The following DUSP14 variants were observed in gnomAD, a reference collection of about 807,000 sequenced individuals.
DUSP14 encodes dual specificity phosphatase 14.
A neutral mutation model predicts 13.2 loss-of-function variants in DUSP14; 5 were observed. That is an observed-to-expected ratio of 0.38 (90% CI 0.20 to 0.80). The LOEUF is 0.80. DUSP14 is among the 30% of genes least tolerant of loss of function. DUSP14 has a pLI of 0.44. For synonymous variants in DUSP14, 91 were observed against 103.4 expected (o/e 0.88, Z 0.73); for missense variants, 185 against 264.0 (o/e 0.70, Z 2.07).
intron 1 of DUSP14, among the ~76,000 whole-genome samples, chr17:37,505,893 A>T (rs1469216506): frequency 2.6e-5 from 4 of 152,072 alleles, no homozygotes; most frequent in Non-Finnish European, 5.9e-5. Flanking sequence ...GAAGACACTA[A>T]TCTTGTATTT....
intron 1 of DUSP14, among the ~76,000 whole-genome samples, chr17:37,502,905 C>T (rs1300314678): frequency 6.6e-6 from 1 of 152,168 alleles, no homozygotes; most frequent in Non-Finnish European, 1.5e-5. Flanking sequence ...CAGCGTCGTT[C>T]TGTCGCCTAG....
intron 2 of DUSP14, among the ~76,000 whole-genome samples, chr17:37,511,938 C>CGTTTTTTTTTTTTTTTT (rs1568206074): frequency 7.8e-5 from 3 of 38,248 alleles, no homozygotes; most frequent in African/African-American, 1.0e-4. Flanking sequence ...CCCCACCCCA[C>CGTTTTTTTTTTTTTTTT]TTTTTTTTTT....
intron 1 of DUSP14, among the ~76,000 whole-genome samples, chr17:37,495,356 G>A (rs937420098): frequency 6.6e-6 from 1 of 152,214 alleles, no homozygotes; most frequent in African/African-American, 2.4e-5. Flanking sequence ...ATGCCATGTT[G>A]AAACCTCAGT....
At chr17:37,507,659 C>T (rs971297254) in intron 1 of DUSP14, among the ~76,000 whole-genome samples, 1 of 152,114 alleles carries the variant, frequency 6.6e-6, no homozygotes, top group Non-Finnish European at 1.5e-5. Context: ...CACCATGTTG[C>T]CCAGGCTGGT....
chr17:37,504,995 G>A (rs996346312), intron 1 of DUSP14, among the ~76,000 whole-genome samples: 1 of 152,286 alleles, frequency 6.6e-6, no homozygotes, highest in Admixed American at 6.5e-5. Flanking sequence ...GGGTTCAAGC[G>A]ATTCTAGTGC....
intron 1 of DUSP14, among the ~76,000 whole-genome samples, chr17:37,499,930 A>G (rs755402593): frequency 2.0e-5 from 3 of 152,240 alleles, no homozygotes; most frequent in African/African-American, 2.4e-5. Context: ...AGCCAAGGGA[A>G]TAACTTCAGG....
chr17:37,490,237 C>G (rs1334146458), intron 1 of DUSP14, among the ~76,000 whole-genome samples: 1 of 151,942 alleles, frequency 6.6e-6, no homozygotes, highest in Non-Finnish European at 1.5e-5. Flanking sequence ...CCGCGCCGCC[C>G]CCGCGACCCT....
intron 1 of DUSP14, 38 bp from the exon 2 acceptor site, chr17:37,510,639 C>CTGAT: frequency 6.6e-6 from 1 of 152,330 alleles, no homozygotes; most frequent in East Asian, 1.9e-4. Context: ...TTGGAACTTC[C>CTGAT]TGATTGGCTG....
intron 2 of DUSP14, among the ~76,000 whole-genome samples, chr17:37,511,022 G>A (rs2054180445): frequency 1.3e-5 from 2 of 151,416 alleles, no homozygotes; most frequent in Non-Finnish European, 2.9e-5. Flanking sequence ...ATATGTAAAT[G>A]TATATATTGA....
At chr17:37,495,109 C>T (rs540618289) in intron 1 of DUSP14, among the ~76,000 whole-genome samples, 4 of 152,276 alleles carry the variant, frequency 2.6e-5, no homozygotes, top group Admixed American at 6.5e-5. Context: ...GGAGCCCTGT[C>T]GTGTTCTTTG....
intron 1 of DUSP14, among the ~76,000 whole-genome samples, chr17:37,499,041 C>T (rs1224383903): frequency 2.6e-5 from 4 of 152,216 alleles, no homozygotes; most frequent in African/African-American, 9.7e-5. Context: ...CTATGAAGAA[C>T]TGCCTGAGAC....
chr17:37,489,655 C>A (rs2054011041), upstream of DUSP14, among the ~76,000 whole-genome samples: 1 of 152,034 alleles, frequency 6.6e-6, no homozygotes, highest in Non-Finnish European at 1.5e-5. Context: ...AGGGGACCTG[C>A]ACGGAGGAGC....
At chr17:37,509,297 AGTGT>A (rs71135737) in intron 1 of DUSP14, among the ~76,000 whole-genome samples, 1 of 26,794 alleles carries the variant, frequency 3.7e-5, no homozygotes, top group Non-Finnish European at 7.0e-5. Context: ...ATATATATAT[AGTGT>A]GTGTGTGTGT....
intron 1 of DUSP14, among the ~76,000 whole-genome samples, chr17:37,490,306 C>A (rs894935944): frequency 1.3e-5 from 2 of 152,140 alleles, no homozygotes; most frequent in Non-Finnish European, 2.9e-5. Flanking sequence ...GCCTTCCGAC[C>A]CCGCTGAGGC....
intron 1 of DUSP14, among the ~76,000 whole-genome samples, chr17:37,497,703 T>C (rs1452965218): frequency 2.0e-5 from 3 of 148,586 alleles, no homozygotes; most frequent in Non-Finnish European, 3.0e-5. Flanking sequence ...GAGGCTGCAG[T>C]AAGCCATGAT....
rs1329764853 is a variant in DUSP14, at chr17:37,511,937, A to AGTTTTTT, written c.-92-244_-92-243insGTTTTTT. On this transcript the variant is annotated intron_variant, in intron 2 of 2. Coordinates refer to ENST00000617516, the MANE Select transcript of DUSP14 (RefSeq NM_007026.4). ...TGCCCAGCCACCCCCCCCCCACCCC[A>AGTTTTTT]CTTTTTTTTTTTTTTTTTTGGACAA... 4.9e-4 allele frequency among the ~76,000 whole-genome samples: 8 copies of AGTTTTTT among 16,436 alleles called. 1 individual carries two copies. Among genetic ancestry groups the AGTTTTTT allele is most frequent in the Admixed American group, 1.6e-3 (2 of 1,216 alleles). The allele number at this position is 16,436 out of a possible 152,430, so 10.8% of individuals were successfully genotyped here.
At chr17:37,511,938 C>CTCTTTT (rs2054191467) in intron 2 of DUSP14, among the ~76,000 whole-genome samples, 2 of 38,248 alleles carry the variant, frequency 5.2e-5, no homozygotes, top group African/African-American at 2.0e-4. Flanking sequence ...CCCCACCCCA[C>CTCTTTT]TTTTTTTTTT....
chr17:37,511,958 G>A (rs1266739165), intron 2 of DUSP14, among the ~76,000 whole-genome samples: 4 of 24,092 alleles, frequency 1.7e-4, no homozygotes, highest in African/African-American at 6.7e-4. Context: ...TTTTTTTTTG[G>A]ACAATCACCA....
intron 1 of DUSP14, among the ~76,000 whole-genome samples, chr17:37,495,782 C>T (rs1375982563): frequency 6.6e-6 from 1 of 152,046 alleles, no homozygotes; most frequent in Non-Finnish European, 1.5e-5. Flanking sequence ...GCCTCAGCCT[C>T]CCGAGTAGCT....
Sources: allele counts gnomAD v4.1 joint callset (sites outside exome capture counted in the v4.1 genomes callset), GRCh38; gene constraint gnomAD v4.1.1; transcripts MANE v1.5; gene names NCBI Gene and HGNC (gene_info 2026-07-23, HGNC 2026-07-21).